PACRG: variants seen among roughly 807,000 people sequenced by gnomAD.
PACRG encodes the protein parkin coregulated gene protein.
PACRG carries 29 observed loss-of-function variants against 29.7 expected under a neutral mutation model. The ratio of observed to expected loss-of-function variants is 0.98; its 90% CI spans 0.73 to 1.33. PACRG has a LOEUF of 1.33. PACRG is among the 40% of genes most tolerant of loss of function. The pLI, the probability that PACRG is intolerant of heterozygous loss-of-function variation, is 0.00. For missense variants in PACRG, 279 were observed against 316.2 expected, an observed-to-expected ratio of 0.88 and a Z score of 0.89; for synonymous variants, 116 against 118.7, an observed-to-expected ratio of 0.98 and a Z score of 0.15.
intron 4 of PACRG, among the ~76,000 whole-genome samples, chr6:163,301,224 A>G: frequency 6.6e-6 from 1 of 152,216 alleles, no homozygotes; most frequent in Non-Finnish European, 1.5e-5. Flanking sequence ...CTAAATTTGG[A>G]AAAATCAGGA....
chr6:163,225,088 G>GA (rs1781734815), intron 4 of PACRG, among the ~76,000 whole-genome samples: 1 of 152,108 alleles, frequency 6.6e-6, no homozygotes, highest in Admixed American at 6.5e-5. Flanking sequence ...ACAGGTACAT[G>GA]AAAAAATGGT....
intron 4 of PACRG, among the ~76,000 whole-genome samples, chr6:163,284,270 G>A (rs1311677012): frequency 1.3e-5 from 2 of 152,230 alleles, no homozygotes; most frequent in Non-Finnish European, 2.9e-5. Flanking sequence ...GGTTCAGAGA[G>A]TTTGCTGCCA....
intron 4 of PACRG, chr6:163,165,949 GA>G (rs1778784805): frequency 2.7e-6 from 1 of 370,632 alleles, no homozygotes; most frequent in Non-Finnish European, 5.4e-6. Flanking sequence ...CTTCAATACA[GA>G]ATTATTTTTA....
intron 4 of PACRG, among the ~76,000 whole-genome samples, chr6:163,116,202 T>TA (rs965953367): frequency 2.6e-5 from 4 of 152,144 alleles, no homozygotes; most frequent in African/African-American, 9.7e-5. Flanking sequence ...TCAGGAAACT[T>TA]ACAATCGTGG....
chr6:162,738,382 G>A lies in PACRG; in HGVS notation c.156+9991G>A, dbSNP rs139963809. Among the ~76,000 whole-genome samples, 718 of 152,320 alleles carry A rather than the reference G, an allele frequency of 4.7e-3. 5 individuals carry two copies. The highest frequency in any genetic ancestry group is 0.023 in the South Asian group (111 of 4,830). On this transcript the variant is annotated intron_variant, in intron 1 of 4. Coordinates refer to ENST00000366888, the MANE Select transcript of PACRG (RefSeq NM_001080379.2). The stretch of plus-strand genomic sequence containing the variant: ...AGCAGAATGCTATCAGTGTACGTAA[G>A]ACGTTCAGATGTGACTTTCCCCATC...
At chr6:163,166,272 A>G (rs1267225091) in intron 4 of PACRG, 2 of 425,014 alleles carry the variant, frequency 4.7e-6, no homozygotes, top group Admixed American at 5.1e-5. Context: ...CCTGCTCAAC[A>G]ACAACAACAA....
chr6:163,007,081 G>A (rs1476599227), intron 2 of PACRG, among the ~76,000 whole-genome samples: 1 of 151,564 alleles, frequency 6.6e-6, no homozygotes, highest in African/African-American at 2.4e-5. Flanking sequence ...TCAAATTTTT[G>A]TTGTGTAATT....
chr6:163,109,114 A>G (rs536020278), intron 4 of PACRG, among the ~76,000 whole-genome samples: 180 of 152,354 alleles, frequency 1.2e-3, no homozygotes, highest in African/African-American at 4.1e-3. Context: ...TAGCCCAGCT[A>G]GCTGGATTCA....
intron 2 of PACRG, among the ~76,000 whole-genome samples, chr6:162,818,284 T>C (rs1181142234): frequency 1.3e-5 from 2 of 152,206 alleles, no homozygotes; most frequent in African/African-American, 4.8e-5. Context: ...AGATGAACGA[T>C]GGAATTTTAA....
intron 1 of PACRG, among the ~76,000 whole-genome samples, chr6:162,779,918 C>T (rs1230830534): frequency 1.3e-5 from 2 of 152,176 alleles, no homozygotes; most frequent in Non-Finnish European, 2.9e-5. Context: ...ACAATTGCCT[C>T]AACTTACTGC....
intron 2 of PACRG, among the ~76,000 whole-genome samples, chr6:162,880,891 G>C (rs1051078231): frequency 6.6e-6 from 1 of 152,172 alleles, no homozygotes; most frequent in Non-Finnish European, 1.5e-5. Flanking sequence ...CAAAGCATGC[G>C]CCAGGGGTGC....
At chr6:162,845,399 T>G (rs1790278306) in intron 2 of PACRG, among the ~76,000 whole-genome samples, 1 of 152,078 alleles carries the variant, frequency 6.6e-6, no homozygotes. Context: ...TTCTTTTTTT[T>G]TTTTGGTGGG....
At chr6:162,954,130 A>G (rs1799849700) in intron 2 of PACRG, among the ~76,000 whole-genome samples, 1 of 152,194 alleles carries the variant, frequency 6.6e-6, no homozygotes, top group African/African-American at 2.4e-5. Context: ...CAAAGTGTGC[A>G]TTCTTATTGT....
At chr6:162,909,331 G>A (rs1487971021) in intron 2 of PACRG, among the ~76,000 whole-genome samples, 4 of 151,970 alleles carry the variant, frequency 2.6e-5, no homozygotes, top group South Asian at 2.1e-4. Flanking sequence ...CGACGTGGGC[G>A]AATCAAGAGG....
At chr6:163,287,543 C>T (rs1054794979) in intron 4 of PACRG, among the ~76,000 whole-genome samples, 2 of 152,196 alleles carry the variant, frequency 1.3e-5, no homozygotes, top group Non-Finnish European at 2.9e-5. Context: ...GGGGACACTT[C>T]GAGGCTCTGC....
intron 2 of PACRG, among the ~76,000 whole-genome samples, chr6:162,869,672 T>A (rs1792631520): frequency 1.3e-5 from 2 of 152,216 alleles, no homozygotes. Flanking sequence ...TTTAATATAA[T>A]TTCAGAGTTG....
intron 2 of PACRG, among the ~76,000 whole-genome samples, chr6:162,953,228 A>T (rs1799785162): frequency 6.6e-6 from 1 of 152,052 alleles, no homozygotes. Flanking sequence ...ACGGTAGTTA[A>T]GGAGGAGTTC....
intron 1 of PACRG, among the ~76,000 whole-genome samples, chr6:162,771,804 T>C (rs981925380): frequency 6.6e-6 from 1 of 152,176 alleles, no homozygotes; most frequent in East Asian, 1.9e-4. Context: ...GTATTCCATT[T>C]ATTATTCTGT....
At chr6:163,290,531 C>T (rs1207894691) in intron 4 of PACRG, among the ~76,000 whole-genome samples, 1 of 152,194 alleles carries the variant, frequency 6.6e-6, no homozygotes, top group East Asian at 1.9e-4. Flanking sequence ...TGCCCCCACC[C>T]CTGGACCTGC....
Sources: gnomAD v4.1 joint callset for allele counts (sites outside exome capture counted in the v4.1 genomes callset) on GRCh38, gnomAD v4.1.1 for gene constraint, MANE v1.5 for transcripts, NCBI Gene and HGNC (gene_info 2026-07-23, HGNC 2026-07-21) for gene names.